Variants in TFIP11 observed in about 807,000 individuals in gnomAD.
TFIP11 encodes the protein tuftelin-interacting protein 11.
A neutral mutation model predicts 96.8 loss-of-function variants in TFIP11; 86 were observed. That is an observed-to-expected ratio of 0.89 (90% confidence interval 0.75 to 1.06). TFIP11 has a LOEUF of 1.06. Ranked by LOEUF, TFIP11 falls within the 50% of genes least tolerant of loss-of-function variation. TFIP11 has a pLI of 0.00. For missense variants in TFIP11, 881 were observed against 1,076.7 expected (o/e 0.82, Z 2.54); for synonymous variants, 405 against 395.2 (o/e 1.02, Z -0.29).
chr22:26,506,699 C>T (rs1923454460), intron 5 of TFIP11, 76 bp downstream of exon 5: 1 of 1,566,234 alleles, frequency 6.4e-7, no homozygotes, highest in Middle Eastern at 1.7e-4. Context: ...TGAGTTTCTC[C>T]CTGGCTAGAA....
chr22:26,505,272 T>C (rs1329907128), intron 6 of TFIP11, among the ~76,000 whole-genome samples: 1 of 152,026 alleles, frequency 6.6e-6, no homozygotes, highest in East Asian at 1.9e-4. Context: ...AGGGGCTGTG[T>C]CTCAATGGGG....
intron 13 of TFIP11, 85 bp from the exon 14 acceptor site, chr22:26,494,389 C>T (rs747793282): frequency 1.5e-5 from 23 of 1,502,398 alleles, no homozygotes; most frequent in Admixed American, 1.7e-5. Flanking sequence ...TTGTTTTGAT[C>T]CTGGTCCTAC....
rs999067035 is a variant in TFIP11, at chr22:26,512,465, C to T, written c.-244G>A. On this transcript the variant is annotated 5_prime_UTR_variant, in exon 1 of 15. Transcript: ENST00000407690. The stretch of plus-strand genomic sequence containing the variant: ...AGAAGACGCCGCTCCTACACCAGAA[C>T]CCGGAAGCACCGTGGCCGGCGCGCC... The T allele has an allele frequency of 6.6e-6, 1 of 152,346 alleles. No individual in the cohort carries two copies. Among genetic ancestry groups the T allele is most frequent in the Admixed American group, 6.5e-5 (1 of 15,290 alleles). 9.4% of individuals were successfully genotyped at this position (152,346 alleles called of 1,614,324 possible). A position where few individuals can be genotyped will look rare whatever the true frequency, so the allele number is the denominator to read the frequency against.
At position 26,494,040 on chromosome 22, in the gene TFIP11, G is replaced by C. The variant is rs556711733; in HGVS notation, c.2158+99C>G. The C allele has an allele frequency of 1.6e-5, 22 of 1,395,112 alleles. No individual in the cohort carries two copies. The African/African-American group carries it at 2.9e-4, about 18-fold the overall frequency. 86.4% of individuals were successfully genotyped at this position (1,395,112 alleles called of 1,614,324 possible). On this transcript the variant is annotated intron_variant, in intron 14 of 14. Transcript: ENST00000407690. Reference sequence around the variant, plus strand: ...TGCAAAAGTGTGACCTAAGGTTTAGGCTGCCTACAGGAACCAGAAAACTCT... The same window carrying C: ...TGCAAAAGTGTGACCTAAGGTTTAGCCTGCCTACAGGAACCAGAAAACTCT...
chr22:26,503,829 C>G (rs200989561), intron 6 of TFIP11, 36 bp from the exon 7 acceptor site: 24 of 1,606,988 alleles, frequency 1.5e-5, no homozygotes, highest in Non-Finnish European at 9.3e-6. Context: ...GAGAGTCTTA[C>G]GATCACAGCA....
chr22:26,508,025 T>A (rs909576207), intron 4 of TFIP11, among the ~76,000 whole-genome samples: 1 of 152,040 alleles, frequency 6.6e-6, no homozygotes, highest in Non-Finnish European at 1.5e-5. Context: ...TGAGAAACGC[T>A]TGAACCCAGG....
Position 26,506,816 on chromosome 22 carries a change from C to T in TFIP11, c.322G>A (p.Asp108Asn). Residue 108 changes from aspartate (D) to asparagine (N), a missense_variant, in exon 5 of 15, where the codon GAC becomes AAC. Transcript: ENST00000407690. Reference protein sequence around the residue: ...SDDEEKPVKQDDFPKDFGPRK... With the variant: ...SDDEEKPVKQNDFPKDFGPRK... Reference sequence around the variant, plus strand: ...GGTCCAAAATCCTTAGGAAAGTCGTCCTGCTTAACAGGTTTCTCTTCGTCA... The same window carrying T: ...GGTCCAAAATCCTTAGGAAAGTCGTTCTGCTTAACAGGTTTCTCTTCGTCA... 6.2e-7 allele frequency: 1 copy of T among 1,614,210 alleles called. No individual in the cohort carries two copies. Among genetic ancestry groups the T allele is most frequent in the Non-Finnish European group, 8.5e-7 (1 of 1,180,040 alleles).
chr22:26,503,099 G>T (rs189951987), intron 7 of TFIP11, among the ~76,000 whole-genome samples: 74 of 152,308 alleles, frequency 4.9e-4, no homozygotes, highest in African/African-American at 1.6e-3. Context: ...CTGGGGAAAA[G>T]GGACACACAG....
chr22:26,491,633 C>T lies in TFIP11; in HGVS notation c.*380G>A. The T allele has an allele frequency of 6.2e-7, 1 of 1,613,322 alleles. No individual in the cohort carries two copies. Among genetic ancestry groups the T allele is most frequent in the Non-Finnish European group, 8.5e-7 (1 of 1,180,012 alleles). ...ATCAGGACTGTGAGGACCTTGAAAT[C>T]ATCAGGAACAAGAGAGAAGATCCTT... On this transcript the variant is annotated 3_prime_UTR_variant, in exon 15 of 15. Coordinates refer to ENST00000407690, the MANE Select transcript of TFIP11 (RefSeq NM_012143.4).
At chr22:26,498,266 G>A (rs1244356517) in intron 10 of TFIP11, among the ~76,000 whole-genome samples, 6 of 152,216 alleles carry the variant, frequency 3.9e-5, no homozygotes, top group Non-Finnish European at 8.8e-5. Flanking sequence ...AATTGAACCA[G>A]GCACGGTGGC....
At chr22:26,495,602 A>T (rs1461030460) in intron 12 of TFIP11, among the ~76,000 whole-genome samples, 1 of 29,794 alleles carries the variant, frequency 3.4e-5, no homozygotes, top group African/African-American at 7.5e-5. Context: ...ATATATACAT[A>T]TATATGTGTG....
intron 13 of TFIP11, 189 bp downstream of exon 13, chr22:26,494,608 G>C (rs371732902): frequency 1.1e-6 from 1 of 871,708 alleles, no homozygotes; most frequent in African/African-American, 1.7e-5. Context: ...AAAGTGCTTG[G>C]AACAGCTTCT....
intron 14 of TFIP11, 66 bp downstream of exon 14, chr22:26,494,073 T>TA: frequency 2.5e-6 from 4 of 1,573,460 alleles, no homozygotes; most frequent in Non-Finnish European, 3.5e-6. Flanking sequence ...TCTGATTCTG[T>TA]GTCATTTACA....
chr22:26,491,962 G>T lies in TFIP11; in HGVS notation c.*51C>A, dbSNP rs909579263. 1 of 1,495,788 alleles carries T rather than the reference G, an allele frequency of 6.7e-7. No homozygotes were observed. The highest frequency in any genetic ancestry group is 2.0e-5 in the Admixed American group (1 of 50,150). The allele number at this position is 1,495,788 out of a possible 1,614,324, so 92.7% of individuals were successfully genotyped here. ...GATCTAAAAATACTGTTTATTTACA[G>T]TACATCCCTCTTAGGGGCAAGTCTC... On this transcript the variant is annotated 3_prime_UTR_variant, in exon 15 of 15. Coordinates refer to ENST00000407690, the MANE Select transcript of TFIP11 (RefSeq NM_012143.4).
chr22:26,491,891 C>G lies in TFIP11; in HGVS notation c.*122G>C. The G allele has an allele frequency of 9.3e-7, 1 of 1,080,126 alleles. No homozygotes were observed. 66.9% of individuals were successfully genotyped at this position (1,080,126 alleles called of 1,614,324 possible). On this transcript the variant is annotated 3_prime_UTR_variant, in exon 15 of 15. Transcript: ENST00000407690. The stretch of plus-strand genomic sequence containing the variant: ...TTACATCCTTCCCTCATGACCTGGC[C>G]TGATGTGGAGTAGCTCCTGAGTAAA...
intron 10 of TFIP11, 31 bp from the exon 11 acceptor site, chr22:26,496,920 T>C: frequency 6.2e-7 from 1 of 1,610,476 alleles, no homozygotes; most frequent in East Asian, 2.2e-5. Context: ...ACAGGCTGGT[T>C]AATTACACTG....
intron 3 of TFIP11, 108 bp from the exon 4 acceptor site, chr22:26,510,389 C>A: frequency 9.5e-7 from 1 of 1,055,266 alleles, no homozygotes. Flanking sequence ...TCTCCAAATT[C>A]AAAGTCCATT....
rs1602190000 is a variant in TFIP11, at chr22:26,492,377, C to T, written c.2159-9G>A. 44 of 1,613,188 alleles carry T rather than the reference C, an allele frequency of 2.7e-5. No individual in the cohort carries two copies. In the East Asian group the frequency reaches 9.8e-4, roughly 36 times the overall value. Reference sequence around the variant, plus strand: ...TGGCTGCATGTAGGCACCTAAGATACAGGAGGACAGGGCGGTGAGGAGAGG... The same window carrying T: ...TGGCTGCATGTAGGCACCTAAGATATAGGAGGACAGGGCGGTGAGGAGAGG... On this transcript the variant is annotated splice_polypyrimidine_tract_variant and intron_variant, in intron 14 of 14. Transcript: ENST00000407690.
intron 2 of TFIP11, 56 bp downstream of exon 2, chr22:26,512,043 G>C (rs541686879): frequency 1.3e-5 from 2 of 152,172 alleles, no homozygotes; most frequent in South Asian, 2.1e-4. Flanking sequence ...GGTAGGTACC[G>C]TTAGTTTTCA....
Sources: allele counts gnomAD v4.1 joint callset (sites outside exome capture counted in the v4.1 genomes callset), GRCh38; gene constraint gnomAD v4.1.1; transcripts MANE v1.5; gene names NCBI Gene and HGNC (gene_info 2026-07-23, HGNC 2026-07-21).